NPAS3: variants seen among roughly 807,000 people sequenced by gnomAD.
The protein encoded by NPAS3 is neuronal PAS domain-containing protein 3.
In NPAS3, 14 loss-of-function variants were observed where a neutral mutation model predicts 73.1. That is an observed-to-expected ratio of 0.19 (90% CI 0.13 to 0.30). The LOEUF (loss-of-function observed/expected upper bound fraction) is 0.30. NPAS3 is among the 10% of genes least tolerant of loss of function. NPAS3 has a pLI of 1.00. For missense variants in NPAS3, 1,096 were observed against 1,250.0 expected, an observed-to-expected ratio of 0.88 and a Z score of 1.86; for synonymous variants, 620 against 541.5, an observed-to-expected ratio of 1.14 and a Z score of -2.01.
intron 2 of NPAS3, among the ~76,000 whole-genome samples, chr14:33,176,491 G>T (rs1475055766): frequency 6.6e-6 from 1 of 152,028 alleles, no homozygotes; most frequent in Non-Finnish European, 1.5e-5. Flanking sequence ...TTTTGTATTT[G>T]GCATGTTTCA....
chr14:33,356,062 C>G (rs2045324766), intron 3 of NPAS3, among the ~76,000 whole-genome samples: 1 of 152,170 alleles, frequency 6.6e-6, no homozygotes. Context: ...ATATCCTTTT[C>G]AACTAACAGT....
intron 3 of NPAS3, among the ~76,000 whole-genome samples, chr14:33,331,590 G>A (rs1305261741): frequency 2.7e-5 from 4 of 147,024 alleles, no homozygotes; most frequent in East Asian, 2.0e-4. Flanking sequence ...ATAACTCCTC[G>A]GTGCTATTAC....
chr14:33,602,627 GT>G (rs555863780), intron 5 of NPAS3, among the ~76,000 whole-genome samples: 2 of 151,844 alleles, frequency 1.3e-5, no homozygotes, highest in East Asian at 1.9e-4. Context: ...TGTGAGTAAA[GT>G]TTTTTTTTCA....
At chr14:33,190,442 G>A (rs2046128844) in intron 2 of NPAS3, among the ~76,000 whole-genome samples, 1 of 152,194 alleles carries the variant, frequency 6.6e-6, no homozygotes, top group African/African-American at 2.4e-5. Flanking sequence ...GGGTGATTTT[G>A]TTTTTGCCTT....
intron 5 of NPAS3, among the ~76,000 whole-genome samples, chr14:33,632,124 A>G (rs1416845057): frequency 6.6e-6 from 1 of 152,200 alleles, no homozygotes; most frequent in Non-Finnish European, 1.5e-5. Flanking sequence ...GTAACTGATA[A>G]CTAGCAGAAG....
intron 3 of NPAS3, among the ~76,000 whole-genome samples, chr14:33,341,487 T>G (rs1353385357): frequency 6.6e-6 from 1 of 152,102 alleles, no homozygotes; most frequent in Non-Finnish European, 1.5e-5. Flanking sequence ...TGTAGGCCAT[T>G]TGTCGTGCTA....
chr14:33,766,257 T>C (rs985750282), intron 7 of NPAS3, among the ~76,000 whole-genome samples: 2 of 152,162 alleles, frequency 1.3e-5, no homozygotes, highest in African/African-American at 4.8e-5. Flanking sequence ...CTTCTTTCCT[T>C]TTCCTGTGCC....
chr14:33,347,036 AC>A (rs2044772043), intron 3 of NPAS3, among the ~76,000 whole-genome samples: 1 of 152,174 alleles, frequency 6.6e-6, no homozygotes, highest in Non-Finnish European at 1.5e-5. Context: ...AATAACCTTT[AC>A]CTTGAAAGAG....
At chr14:33,461,772 C>T (rs1347375449) in intron 4 of NPAS3, among the ~76,000 whole-genome samples, 1 of 152,230 alleles carries the variant, frequency 6.6e-6, no homozygotes, top group Non-Finnish European at 1.5e-5. Flanking sequence ...GAAGAGGAAG[C>T]ATAGCTTAGT....
intron 3 of NPAS3, among the ~76,000 whole-genome samples, chr14:33,355,475 A>G (rs1376914767): frequency 6.6e-6 from 1 of 151,892 alleles, no homozygotes; most frequent in Non-Finnish European, 1.5e-5. Context: ...TAATTTTTGT[A>G]TTTTTGTAGA....
intron 4 of NPAS3, among the ~76,000 whole-genome samples, chr14:33,545,252 T>C (rs1393899149): frequency 6.6e-6 from 1 of 152,160 alleles, no homozygotes; most frequent in East Asian, 1.9e-4. Flanking sequence ...TTAGTTTAAC[T>C]GCCCTTAGTA....
intron 6 of NPAS3, among the ~76,000 whole-genome samples, chr14:33,718,741 C>G (rs1566462668): frequency 6.6e-6 from 1 of 152,146 alleles, no homozygotes; most frequent in Non-Finnish European, 1.5e-5. Flanking sequence ...TTTGATTGTA[C>G]AACCTCCCGA....
intron 1 of NPAS3, among the ~76,000 whole-genome samples, chr14:33,028,311 C>A (rs947849872): frequency 1.3e-5 from 2 of 152,136 alleles, no homozygotes; most frequent in Admixed American, 6.6e-5. Flanking sequence ...TTTACTGTGT[C>A]ATTTCTGTGT....
chr14:33,658,172 A>C (rs74042366), intron 5 of NPAS3, among the ~76,000 whole-genome samples: 13,236 of 152,270 alleles, frequency 0.087, 1,860 homozygotes, highest in African/African-American at 0.3. Context: ...TTCCTAATTC[A>C]TTCTCCTCAT....
At chr14:33,028,606 T>C (rs1417817436) in intron 1 of NPAS3, among the ~76,000 whole-genome samples, 1 of 152,184 alleles carries the variant, frequency 6.6e-6, no homozygotes, top group East Asian at 1.9e-4. Flanking sequence ...CATCTGAACC[T>C]AGTATCTATG....
intron 4 of NPAS3, among the ~76,000 whole-genome samples, chr14:33,418,612 T>C (rs2048251010): frequency 6.6e-6 from 1 of 152,066 alleles, no homozygotes; most frequent in African/African-American, 2.4e-5. Flanking sequence ...TAAGAGGATA[T>C]GTTAATATAC....
intron 3 of NPAS3, among the ~76,000 whole-genome samples, chr14:33,307,614 C>T (rs28514491): frequency 6.4e-3 from 170 of 26,452 alleles, no homozygotes; most frequent in Admixed American, 0.012. Context: ...TGTGTGTGTT[C>T]GTGTGCGTGC....
intron 2 of NPAS3, among the ~76,000 whole-genome samples, chr14:33,190,178 C>T (rs528039597): frequency 1.3e-5 from 2 of 152,280 alleles, no homozygotes; most frequent in South Asian, 4.1e-4. Context: ...AGATAAATTA[C>T]AATATTCATC....
chr14:33,033,320 A>T (rs1197854062), intron 1 of NPAS3, among the ~76,000 whole-genome samples: 2 of 152,094 alleles, frequency 1.3e-5, no homozygotes, highest in East Asian at 3.9e-4. Flanking sequence ...CTCTACTAAA[A>T]ATACAAAAAT....
Sources: gnomAD v4.1 joint callset for allele counts (sites outside exome capture counted in the v4.1 genomes callset) on GRCh38, gnomAD v4.1.1 for gene constraint, MANE v1.5 for transcripts, NCBI Gene and HGNC (gene_info 2026-07-23, HGNC 2026-07-21) for gene names.